The following BAIAP2 variants were observed in gnomAD, a reference collection of about 807,000 sequenced individuals.
BAIAP2 encodes the protein BAR/IMD domain containing adaptor protein 2.
Under a neutral mutation model 63.0 loss-of-function variants are expected in BAIAP2, and 18 were observed. The ratio of observed to expected loss-of-function variants is 0.29; its 90% CI spans 0.20 to 0.42. The LOEUF is 0.42. BAIAP2 is among the 10% of genes least tolerant of loss of function. BAIAP2 has a pLI of 1.00. For synonymous variants in BAIAP2, 386 were observed against 307.6 expected (o/e 1.25, Z -2.67); for missense variants, 610 against 734.3 (o/e 0.83, Z 1.96).
At chr17:81,050,815 G>A (rs572744765) in intron 1 of BAIAP2, among the ~76,000 whole-genome samples, 3 of 151,678 alleles carry the variant, frequency 2.0e-5, no homozygotes, top group Non-Finnish European at 2.9e-5. Context: ...ATGAGCACAC[G>A]CACACCAGAA....
At position 81,116,642 on chromosome 17, in the gene BAIAP2, TC is replaced by T. The variant is rs895351208; in HGVS notation, c.*812del. ...CTGCCCCAGGACTCCTGGGTGGACCTCCCCCCCCCACCTCCGCTGACTCCTG... is the reference window on the plus strand; with the variant it reads ...CTGCCCCAGGACTCCTGGGTGGACCTCCCCCCCCACCTCCGCTGACTCCTG... On this transcript the variant is annotated 3_prime_UTR_variant, in exon 14 of 14. Transcript: ENST00000428708. 4.1e-4 allele frequency: 155 copies of T among 378,208 alleles called. No individual in the cohort carries two copies. Among genetic ancestry groups the T allele is most frequent in the East Asian group, 8.0e-4 (17 of 21,288 alleles). The allele number at this position is 378,208 out of a possible 1,614,324, so 23.4% of individuals were successfully genotyped here. A position where few individuals can be genotyped will look rare whatever the true frequency, so the allele number is the denominator to read the frequency against.
chr17:81,109,040 C>T (rs1030077131), intron 13 of BAIAP2: 3 of 1,528,734 alleles, frequency 2.0e-6, no homozygotes, highest in South Asian at 1.2e-5. Context: ...AGAGCTTCCG[C>T]GCCTTCCCCC....
chr17:81,091,582 A>G lies in BAIAP2; in HGVS notation c.489+5002A>G, dbSNP rs752890797. ...CTGGCGACCATAGCAGTTGTCCCCAATCCTGAAGACCCTGAGAGAGGCAGG... is the reference window on the plus strand; with the variant it reads ...CTGGCGACCATAGCAGTTGTCCCCAGTCCTGAAGACCCTGAGAGAGGCAGG... On this transcript the variant is annotated intron_variant, in intron 6 of 13. Transcript: ENST00000428708. Among the ~76,000 whole-genome samples the G allele has an allele frequency of 8.5e-5, 13 of 152,268 alleles. No homozygotes were observed. The South Asian group carries it at 1.0e-3, about 12-fold the overall frequency.
intron 6 of BAIAP2, among the ~76,000 whole-genome samples, chr17:81,088,212 G>C (rs1388283974): frequency 6.6e-6 from 1 of 152,112 alleles, no homozygotes; most frequent in Non-Finnish European, 1.5e-5. Flanking sequence ...TGAGCACCGA[G>C]GCCAGGTGTG....
At chr17:81,036,911 T>C (rs1295496377) in intron 1 of BAIAP2, 3 of 1,535,528 alleles carry the variant, frequency 2.0e-6, no homozygotes, top group Admixed American at 2.0e-5. Flanking sequence ...TTTTTCTCCT[T>C]CTGCGCTGAA....
intron 3 of BAIAP2, among the ~76,000 whole-genome samples, chr17:81,060,339 G>GC (rs2050333490): frequency 6.6e-6 from 1 of 152,126 alleles, no homozygotes; most frequent in African/African-American, 2.4e-5. Context: ...TACCCCTTAA[G>GC]CAGTCCCTCC....
chr17:81,066,613 A>G (rs1304223389), intron 3 of BAIAP2, among the ~76,000 whole-genome samples: 1 of 152,160 alleles, frequency 6.6e-6, no homozygotes, highest in Admixed American at 6.5e-5. Context: ...CGTCTCTGAA[A>G]CGTGGGGCCC....
rs547080005 is a variant in BAIAP2 at position 81,071,947 on chromosome 17, C to T, written c.218-12885C>T. Among the ~76,000 whole-genome samples, 31 of 152,388 alleles carry T rather than the reference C, an allele frequency of 2.0e-4. 1 individual carries two copies. The highest frequency in any genetic ancestry group is 1.0e-3 in the South Asian group (5 of 4,830). Reference sequence around the variant, plus strand: ...GAGTCTGGGGCATCTTGTTCCATTTCCTTGCTGCCTCTCCTCTCGTCCGTG... The same window carrying T: ...GAGTCTGGGGCATCTTGTTCCATTTTCTTGCTGCCTCTCCTCTCGTCCGTG... On this transcript the variant is annotated intron_variant, in intron 3 of 13. Transcript: ENST00000428708.
chr17:81,105,772 C>T (rs2059113357), intron 10 of BAIAP2: 4 of 315,436 alleles, frequency 1.3e-5, no homozygotes, highest in Admixed American at 9.5e-5. Context: ...CGTGGCTTAG[C>T]GTGACACTGG....
At position 81,115,978 on chromosome 17, in the gene BAIAP2, T is replaced by C; in HGVS notation, c.*139T>C. ...GGTCTTGCCCCACTTGAGTCTGGCC[T>C]GGACTGGATCCCAGCTGTTCTAGGC... On this transcript the variant is annotated 3_prime_UTR_variant, in exon 14 of 14. Coordinates refer to ENST00000428708, the MANE Select transcript of BAIAP2 (RefSeq NM_001144888.2). The C allele has an allele frequency of 6.7e-7, 1 of 1,497,966 alleles. No individual in the cohort carries two copies. The highest frequency in any genetic ancestry group is 8.9e-7 in the Non-Finnish European group (1 of 1,124,198). 92.8% of individuals were successfully genotyped at this position (1,497,966 alleles called of 1,614,324 possible). A position where few individuals can be genotyped will look rare whatever the true frequency, so the allele number is the denominator to read the frequency against.
At chr17:81,066,807 C>T (rs1191169869) in intron 3 of BAIAP2, among the ~76,000 whole-genome samples, 1 of 152,170 alleles carries the variant, frequency 6.6e-6, no homozygotes, top group Non-Finnish European at 1.5e-5. Context: ...GCTCCATGCA[C>T]AGTGCACCCA....
At chr17:81,088,023 G>A (rs1202014618) in intron 6 of BAIAP2, among the ~76,000 whole-genome samples, 2 of 152,124 alleles carry the variant, frequency 1.3e-5, no homozygotes, top group African/African-American at 2.4e-5. Flanking sequence ...GGCATGGGGA[G>A]TTGAGGAGGA....
chr17:81,036,067 C>T (rs551596443), intron 1 of BAIAP2: 41 of 152,366 alleles, frequency 2.7e-4, no homozygotes, highest in African/African-American at 9.4e-4. Context: ...GGTTCACATC[C>T]AAGGGCCGCA....
At chr17:81,097,305 G>T (rs1400685361) in intron 6 of BAIAP2, among the ~76,000 whole-genome samples, 1 of 152,206 alleles carries the variant, frequency 6.6e-6, no homozygotes, top group Admixed American at 6.5e-5. Flanking sequence ...GGCTGGGCAG[G>T]CTCTGGCCTT....
At chr17:81,054,562 G>A (rs1049614650) in intron 2 of BAIAP2, among the ~76,000 whole-genome samples, 1 of 152,182 alleles carries the variant, frequency 6.6e-6, no homozygotes, top group Non-Finnish European at 1.5e-5. Flanking sequence ...CGGGAGGGGT[G>A]CGGATGTCAG....
At chr17:81,042,404 C>G (rs1473439671) in intron 1 of BAIAP2, among the ~76,000 whole-genome samples, 1 of 152,064 alleles carries the variant, frequency 6.6e-6, no homozygotes, top group South Asian at 2.1e-4. Flanking sequence ...AGTCCTCCCA[C>G]CTTGGCCTCC....
Position 81,074,722 on chromosome 17 carries a change from G to A in BAIAP2, c.218-10110G>A, listed in dbSNP as rs534675255. Among the ~76,000 whole-genome samples, 98 of 149,760 alleles carry A rather than the reference G, an allele frequency of 6.5e-4. 1 individual carries two copies. Among genetic ancestry groups the A allele is most frequent in the African/African-American group, 2.3e-3 (95 of 41,184 alleles). On this transcript the variant is annotated intron_variant, in intron 3 of 13. Transcript: ENST00000428708. Reference sequence around the variant, plus strand: ...TGCACGGATGCGTGTCTGTGCGTCTGTGTGCGTGCACAGATGCGTGTGAGT... The same window carrying A: ...TGCACGGATGCGTGTCTGTGCGTCTATGTGCGTGCACAGATGCGTGTGAGT...
intron 1 of BAIAP2, among the ~76,000 whole-genome samples, chr17:81,045,022 C>A (rs1051929359): frequency 6.6e-6 from 1 of 152,344 alleles, no homozygotes; most frequent in East Asian, 1.9e-4. Context: ...ATGTGCCTCT[C>A]GGACAGGAAG....
chr17:81,102,639 G>C (rs1430182456), intron 7 of BAIAP2, among the ~76,000 whole-genome samples: 1 of 152,202 alleles, frequency 6.6e-6, no homozygotes, highest in Non-Finnish European at 1.5e-5. Context: ...GGGGTGGCAT[G>C]GGGAGGACTT....
Sources: gnomAD v4.1 joint callset for allele counts (sites outside exome capture counted in the v4.1 genomes callset) on GRCh38, gnomAD v4.1.1 for gene constraint, MANE v1.5 for transcripts, NCBI Gene and HGNC (gene_info 2026-07-23, HGNC 2026-07-21) for gene names.